FRMD3: variants seen among roughly 807,000 people sequenced by gnomAD.
FRMD3 encodes FERM domain-containing protein 3.
In FRMD3, 33 loss-of-function variants were observed where a neutral mutation model predicts 70.2. The observed-to-expected ratio is 0.47, with a 90% CI of 0.36 to 0.63. The LOEUF is 0.63. Ranked by LOEUF, FRMD3 falls within the 20% of genes least tolerant of loss-of-function variation. The pLI, the probability that FRMD3 is intolerant of heterozygous loss-of-function variation, is 0.00. For synonymous variants in FRMD3, 279 were observed against 255.9 expected, an observed-to-expected ratio of 1.09 and a Z score of -0.86; for missense variants, 632 against 711.4, an observed-to-expected ratio of 0.89 and a Z score of 1.27.
chr9:83,381,891 G>T (rs1825367364), intron 2 of FRMD3, among the ~76,000 whole-genome samples: 1 of 152,084 alleles, frequency 6.6e-6, no homozygotes, highest in Non-Finnish European at 1.5e-5. Context: ...GAAAGCAGCT[G>T]CAGACAATAT....
At chr9:83,552,114 T>C in the FRMD3 span, among the ~76,000 whole-genome samples, 2 of 152,344 alleles carry the variant, frequency 1.3e-5, no homozygotes, top group South Asian at 2.1e-4. Flanking sequence ...CATTTAGTGC[T>C]GTGAATTTTA....
At chr9:83,371,568 C>T (rs934259123) in intron 3 of FRMD3, among the ~76,000 whole-genome samples, 3 of 152,208 alleles carry the variant, frequency 2.0e-5, no homozygotes, top group Non-Finnish European at 4.4e-5. Context: ...GCCTGCCTCA[C>T]GCCTCCTAAA....
the FRMD3 span, among the ~76,000 whole-genome samples, chr9:83,554,332 C>T: frequency 6.6e-6 from 1 of 152,214 alleles, no homozygotes; most frequent in Non-Finnish European, 1.5e-5. Context: ...TCATCGGCTG[C>T]TCACTGCAGC....
chr9:83,551,079 C>T, the FRMD3 span, among the ~76,000 whole-genome samples: 6 of 152,044 alleles, frequency 3.9e-5, no homozygotes, highest in Non-Finnish European at 7.4e-5. Context: ...ATGCTTCCAG[C>T]TTTTGCCCAT....
At chr9:83,566,326 T>C in the FRMD3 span, among the ~76,000 whole-genome samples, 1 of 152,162 alleles carries the variant, frequency 6.6e-6, no homozygotes, top group African/African-American at 2.4e-5. Context: ...TACCTTCTCC[T>C]GGGTCCCTCC....
chr9:83,530,161 T>C (rs1829765387), intron 1 of FRMD3, among the ~76,000 whole-genome samples: 1 of 152,216 alleles, frequency 6.6e-6, no homozygotes, highest in South Asian at 2.1e-4. Context: ...AAATGAAACA[T>C]GTCTAGAGAG....
chr9:83,537,637 G>T lies in FRMD3; in HGVS notation c.147+448C>A, dbSNP rs953023767. On this transcript the variant is annotated intron_variant, in intron 1 of 13. Coordinates refer to ENST00000304195, the MANE Select transcript of FRMD3 (RefSeq NM_174938.6). The surrounding 1 kb of genome is among the most constrained non-coding windows in gnomAD (Gnocchi z 4.1). ...GAGGGCGTCTCCGGAGCCTGGGCGC[G>T]GGAGACAGAAATGAGTGAACCCAGC... is the stretch of plus-strand genomic sequence containing the variant. Among the ~76,000 whole-genome samples, 2 of 152,186 alleles carry T rather than the reference G, an allele frequency of 1.3e-5. No individual in the cohort carries two copies. Among genetic ancestry groups the T allele is most frequent in the East Asian group, 1.9e-4 (1 of 5,174 alleles).
chr9:83,582,692 C>T, the FRMD3 span, among the ~76,000 whole-genome samples: 1 of 152,014 alleles, frequency 6.6e-6, no homozygotes, highest in African/African-American at 2.4e-5. Flanking sequence ...AAGTTTAATG[C>T]AAATTTAGAA....
chr9:83,543,500 C>A (rs140453299), upstream of FRMD3, among the ~76,000 whole-genome samples: 4 of 152,280 alleles, frequency 2.6e-5, no homozygotes, highest in African/African-American at 9.6e-5. Flanking sequence ...TGGTAGCGGG[C>A]ACCACACTGG....
intron 13 of FRMD3, among the ~76,000 whole-genome samples, chr9:83,262,203 C>T (rs1188826243): frequency 2.0e-5 from 3 of 152,326 alleles, no homozygotes; most frequent in South Asian, 4.1e-4. Flanking sequence ...TACATAGGAA[C>T]ATCGACTTCA....
At chr9:83,339,697 T>C (rs1311902112) in intron 5 of FRMD3, among the ~76,000 whole-genome samples, 2 of 152,166 alleles carry the variant, frequency 1.3e-5, no homozygotes, top group East Asian at 3.9e-4. Context: ...TGGGCCTGTG[T>C]GTTCCTCCAT....
At chr9:83,497,522 T>C (rs1349919083) in intron 1 of FRMD3, among the ~76,000 whole-genome samples, 5 of 152,250 alleles carry the variant, frequency 3.3e-5, no homozygotes, top group African/African-American at 1.2e-4. Context: ...AGTGTAAGGA[T>C]TGGGTATGGA....
intron 13 of FRMD3, among the ~76,000 whole-genome samples, chr9:83,268,723 C>T (rs1833393380): frequency 6.6e-6 from 1 of 152,176 alleles, no homozygotes; most frequent in South Asian, 2.1e-4. Context: ...GTGTTGCCAG[C>T]CATGCACTGT....
chr9:83,483,106 A>C (rs1209858254), intron 1 of FRMD3, among the ~76,000 whole-genome samples: 2 of 152,082 alleles, frequency 1.3e-5, no homozygotes, highest in Non-Finnish European at 2.9e-5. Context: ...GTGTTGGAGG[A>C]GGGGTCTGGT....
chr9:83,247,490 G>A lies in FRMD3; in HGVS notation c.*428C>T, dbSNP rs1162621954. ...CATAAATTTAGTTGTATAGGCATTG[G>A]TTAGAGGACACTGTTTTCACTAAGG... On this transcript the variant is annotated 3_prime_UTR_variant, in exon 14 of 14. Transcript: ENST00000304195. The A allele has an allele frequency of 1.0e-6, 1 of 986,422 alleles. No individual in the cohort carries two copies. The highest frequency in any genetic ancestry group is 1.1e-4 in the East Asian group (1 of 8,840). 61.1% of individuals were successfully genotyped at this position (986,422 alleles called of 1,614,324 possible). A position where few individuals can be genotyped will look rare whatever the true frequency, so the allele number is the denominator to read the frequency against.
Position 83,537,376 on chromosome 9 carries a change from C to T in FRMD3, c.147+709G>A, listed in dbSNP as rs1224874627. 6.6e-6 allele frequency among the ~76,000 whole-genome samples: 1 copy of T among 152,224 alleles called. No individual in the cohort carries two copies. On this transcript the variant is annotated intron_variant, in intron 1 of 13. Coordinates refer to ENST00000304195, the MANE Select transcript of FRMD3 (RefSeq NM_174938.6). The surrounding 1 kb of genome is among the most constrained non-coding windows in gnomAD (Gnocchi z 4.1). The stretch of plus-strand genomic sequence containing the variant: ...GGACCCAGGTTCCTGCAGGGCTCCC[C>T]ACTTGCTGGCCTCACAATCCCTTTT...
intron 6 of FRMD3, among the ~76,000 whole-genome samples, chr9:83,324,693 T>C (rs893531482): frequency 2.6e-5 from 4 of 152,234 alleles, no homozygotes; most frequent in African/African-American, 9.6e-5. Context: ...ACATTTTTTA[T>C]ATTGCCAGGC....
chr9:83,490,763 TTCTCTCTCTCTCTCTCTC>T (rs67058664), intron 1 of FRMD3, among the ~76,000 whole-genome samples: 1 of 129,222 alleles, frequency 7.7e-6, no homozygotes, highest in African/African-American at 2.8e-5. Flanking sequence ...TTTTACTCTC[TTCTCTCTCTCTCTCTCTC>T]TCTCTCTCTC....
At chr9:83,474,767 C>CCCA (rs994836483) in intron 1 of FRMD3, among the ~76,000 whole-genome samples, 10 of 151,774 alleles carry the variant, frequency 6.6e-5, no homozygotes, top group African/African-American at 1.9e-4. Flanking sequence ...ACACTCTCTC[C>CCCA]CCACCACCAC....
Sources: gnomAD v4.1 joint callset for allele counts (sites outside exome capture counted in the v4.1 genomes callset) on GRCh38, gnomAD v4.1.1 for gene constraint, Gnocchi (gnomAD v3.1) non-coding constraint, MANE v1.5 for transcripts, NCBI Gene and HGNC (gene_info 2026-07-23, HGNC 2026-07-21) for gene names.